The following PTPRJ variants were observed in gnomAD, a reference collection of about 807,000 sequenced individuals.
The protein encoded by PTPRJ is receptor-type tyrosine-protein phosphatase eta.
A neutral mutation model predicts 141.3 loss-of-function variants in PTPRJ; 129 were observed. The ratio of observed to expected loss-of-function variants is 0.91; its 90% CI spans 0.79 to 1.06. The LOEUF (loss-of-function observed/expected upper bound fraction) is 1.06. PTPRJ is among the 50% of genes least tolerant of loss of function. The pLI is 0.00. For missense variants in PTPRJ, 1,601 were observed against 1,679.7 expected (o/e 0.95, Z 0.82); for synonymous variants, 610 against 640.5 (o/e 0.95, Z 0.72).
chr11:48,126,381 C>T (rs1045428981), intron 6 of PTPRJ, among the ~76,000 whole-genome samples: 2 of 152,056 alleles, frequency 1.3e-5, no homozygotes, highest in Non-Finnish European at 2.9e-5. Context: ...GCCTTTCCCT[C>T]TCTATAAGGG....
In PTPRJ at chr11:48,109,592, A is replaced by G. The variant is rs557343278; in HGVS notation, c.97-466A>G. ...CAAACACAGTGGATTTCTGGTTTCC[A>G]CTGTGCTGTCAGGACTGGGAAATGG... On this transcript the variant is annotated intron_variant, in intron 1 of 24. Transcript: ENST00000418331. Among the ~76,000 whole-genome samples the G allele has an allele frequency of 2.6e-5, 4 of 152,300 alleles. No homozygotes were observed. In the East Asian group the frequency reaches 7.7e-4, roughly 29 times the overall value.
At chr11:48,014,733 C>G (rs1014639836) in intron 1 of PTPRJ, 2 of 152,192 alleles carry the variant, frequency 1.3e-5, no homozygotes, top group African/African-American at 4.8e-5. Flanking sequence ...GTGTTTCACT[C>G]TTGTTACCCA....
chr11:47,994,943 T>G (rs1033941908), intron 1 of PTPRJ, among the ~76,000 whole-genome samples: 6 of 152,200 alleles, frequency 3.9e-5, no homozygotes, highest in Admixed American at 6.5e-5. Flanking sequence ...GAGCGCTCCT[T>G]GCTATTCTCA....
At chr11:48,012,047 T>C (rs572715786) in intron 1 of PTPRJ, among the ~76,000 whole-genome samples, 1 of 152,242 alleles carries the variant, frequency 6.6e-6, no homozygotes, top group African/African-American at 2.4e-5. Context: ...AGTACGGTGG[T>C]TTCCATTTAT....
intron 1 of PTPRJ, among the ~76,000 whole-genome samples, chr11:48,036,194 A>G (rs977901648): frequency 1.3e-5 from 2 of 152,174 alleles, no homozygotes; most frequent in Non-Finnish European, 2.9e-5. Flanking sequence ...GAAATGACAC[A>G]CTGACCTACA....
intron 1 of PTPRJ, among the ~76,000 whole-genome samples, chr11:47,982,352 A>C (rs149624979): frequency 6.6e-6 from 1 of 152,246 alleles, no homozygotes. Context: ...CTGTAGAATG[A>C]GTATAGCACC....
rs546505641 is a variant in PTPRJ, at chr11:48,166,981, C to T, written c.3856-223C>T. Among the ~76,000 whole-genome samples the T allele has an allele frequency of 1.3e-4, 20 of 152,230 alleles. 1 individual carries two copies. In the South Asian group the frequency reaches 4.1e-3, roughly 32 times the overall value. ...TTGGGGAGGGGAGGTGTGGAGTGTG[C>T]TCTTCTGGTTGAGAATCATTGAGGA... On this transcript the variant is annotated intron_variant, in intron 24 of 24. Coordinates refer to ENST00000418331, the MANE Select transcript of PTPRJ (RefSeq NM_002843.4).
intron 10 of PTPRJ, among the ~76,000 whole-genome samples, chr11:48,137,608 G>A (rs1467392813): frequency 6.6e-6 from 1 of 152,190 alleles, no homozygotes; most frequent in Admixed American, 6.5e-5. Flanking sequence ...TCTGAATGAA[G>A]GGAAGGAGCC....
chr11:48,149,726 TA>T (rs1308544726), intron 16 of PTPRJ: 1 of 538,630 alleles, frequency 1.9e-6, no homozygotes. Flanking sequence ...ATTTCTTGAT[TA>T]AAAAAACGTC....
Position 48,154,364 on chromosome 11 carries a change from A to G in PTPRJ, c.3229+478A>G, listed in dbSNP as rs374741908. On this transcript the variant is annotated intron_variant, in intron 19 of 24. Coordinates refer to ENST00000418331, the MANE Select transcript of PTPRJ (RefSeq NM_002843.4). Reference sequence around the variant, plus strand: ...CAGACACATGGGCTGAGTGAATTCCACAGCTAAGTATGACTTATATTTAGC... The same window carrying G: ...CAGACACATGGGCTGAGTGAATTCCGCAGCTAAGTATGACTTATATTTAGC... Among the ~76,000 whole-genome samples the G allele has an allele frequency of 2.1e-4, 32 of 152,380 alleles. 1 individual carries two copies. The highest frequency in any genetic ancestry group is 7.7e-4 in the African/African-American group (32 of 41,592).
At chr11:48,149,760 G>A in intron 16 of PTPRJ, 1 of 554,502 alleles carries the variant, frequency 1.8e-6, no homozygotes, top group Non-Finnish European at 3.2e-6. Context: ...AAGATCCAGG[G>A]GAGAGAAGAA....
intron 4 of PTPRJ, among the ~76,000 whole-genome samples, chr11:48,122,875 C>G (rs1856741164): frequency 6.6e-6 from 1 of 152,178 alleles, no homozygotes; most frequent in African/African-American, 2.4e-5. Flanking sequence ...ATCTGCAGCA[C>G]TACCTGTGCT....
At chr11:48,060,427 T>TC (rs34693756) in intron 1 of PTPRJ, among the ~76,000 whole-genome samples, 5,778 of 152,144 alleles carry the variant, frequency 0.038, 346 homozygotes, top group African/African-American at 0.13. Context: ...GTTTTTTTTT[T>TC]CTAAAGATCC....
Position 48,127,638 on chromosome 11 carries a change from C to T in PTPRJ, c.1094-142C>T, listed in dbSNP as rs1245954167. On this transcript the variant is annotated intron_variant, in intron 6 of 24. Coordinates refer to ENST00000418331, the MANE Select transcript of PTPRJ (RefSeq NM_002843.4). Reference sequence around the variant, plus strand: ...ACTTTGGCTGGGACCGTCATGCTTTCCTAGCCACGGTTGATGGTGCAGAGG... The same window carrying T: ...ACTTTGGCTGGGACCGTCATGCTTTTCTAGCCACGGTTGATGGTGCAGAGG... 3 of 873,392 alleles carry T rather than the reference C, an allele frequency of 3.4e-6. No individual in the cohort carries two copies. In the African/African-American group the frequency reaches 5.1e-5, roughly 15 times the overall value. 54.1% of individuals were successfully genotyped at this position (873,392 alleles called of 1,614,324 possible).
At chr11:48,068,469 C>T (rs1340033651) in intron 1 of PTPRJ, among the ~76,000 whole-genome samples, 1 of 152,150 alleles carries the variant, frequency 6.6e-6, no homozygotes, top group Non-Finnish European at 1.5e-5. Context: ...TCTTGCCTGC[C>T]ACCATGTAAG....
chr11:48,047,519 T>C (rs1045875964), intron 1 of PTPRJ, among the ~76,000 whole-genome samples: 1 of 151,924 alleles, frequency 6.6e-6, no homozygotes, highest in South Asian at 2.1e-4. Context: ...TTTTCTTTTT[T>C]TTGAGACAGG....
intron 8 of PTPRJ, chr11:48,131,394 A>G (rs1856981736): frequency 1.5e-6 from 1 of 673,870 alleles, no homozygotes. Flanking sequence ...ACAAATATAT[A>G]TTTATTTCTT....
chr11:48,163,590 C>T lies in PTPRJ; in HGVS notation c.3691C>T (p.Pro1231Ser). The change falls in exon 23 of 25, where the codon CCC becomes TCC. Residue 1231 changes from proline to serine, a missense_variant. Coordinates refer to ENST00000418331, the MANE Select transcript of PTPRJ (RefSeq NM_002843.4). ...LVRDYMKQSP[P>S]ESPILVHCSA... ...TCGTGACTACATGAAGCAGAGTCCT[C>T]CCGAATCGCCGATTCTGGTGCATTG... 6.2e-7 allele frequency: 1 copy of T among 1,614,028 alleles called. No homozygotes were observed. The highest frequency in any genetic ancestry group is 8.5e-7 in the Non-Finnish European group (1 of 1,179,856).
chr11:48,126,672 G>T (rs1288922810), intron 6 of PTPRJ, among the ~76,000 whole-genome samples: 5 of 151,712 alleles, frequency 3.3e-5, no homozygotes, highest in African/African-American at 1.2e-4. Context: ...GGTAATTCAT[G>T]ATCTAATTAC....
Sources: allele counts gnomAD v4.1 joint callset (sites outside exome capture counted in the v4.1 genomes callset), GRCh38; gene constraint gnomAD v4.1.1; transcripts MANE v1.5; gene names NCBI Gene and HGNC (gene_info 2026-07-23, HGNC 2026-07-21).